RUFY3: variants seen among roughly 807,000 people sequenced by gnomAD.
RUFY3 encodes the protein RUN and FYVE domain containing 3.
In RUFY3, 34 loss-of-function variants were observed where a neutral mutation model predicts 84.0. That is an observed-to-expected ratio of 0.40 (90% confidence interval 0.31 to 0.54). The LOEUF (loss-of-function observed/expected upper bound fraction) is 0.54. Among genes scored for constraint, RUFY3 ranks in the 20% least tolerant of loss-of-function variants. RUFY3 has a pLI of 0.39. For synonymous variants in RUFY3, 242 were observed against 252.9 expected, an observed-to-expected ratio of 0.96 and a Z score of 0.41; for missense variants, 507 against 736.8, an observed-to-expected ratio of 0.69 and a Z score of 3.61.
chr4:70,806,552 G>A lies in RUFY3; in HGVS notation c.1756G>A (p.Ala586Thr), dbSNP rs1263014596. The change falls in exon 18 of 18, where the codon GCC (alanine) becomes ACC (threonine). Residue 586 changes from alanine (A) to threonine (T), a missense_variant. Physicochemically the swap from Ala to Thr is moderately conservative, Grantham distance 58. This residue lies in a region of RUFY3 where 334 missense variants were observed against 364.1 expected (regional missense o/e 0.92). Coordinates refer to ENST00000381006, the MANE Select transcript of RUFY3 (RefSeq NM_001037442.4). ...GAACTGCAGCGGAACCTTCTGTGAT[G>A]CCTGTTCAACAAATGAACTGCCTCT... ...CKNCSGTFCD[A>T]CSTNELPLPS... is the part of the protein sequence containing the mutation. 1 of 1,614,012 alleles carries A rather than the reference G, an allele frequency of 6.2e-7. No individual in the cohort carries two copies. Among genetic ancestry groups the A allele is most frequent in the Non-Finnish European group, 8.5e-7 (1 of 1,180,020 alleles).
chr4:70,747,615 A>G (rs1722437617), intron 1 of RUFY3, among the ~76,000 whole-genome samples: 1 of 152,194 alleles, frequency 6.6e-6, no homozygotes, highest in South Asian at 2.1e-4. Context: ...TTCTCTTTAA[A>G]ACATCTCCTT....
intron 1 of RUFY3, among the ~76,000 whole-genome samples, chr4:70,744,290 C>T (rs890317728): frequency 1.3e-5 from 2 of 151,882 alleles, no homozygotes; most frequent in Admixed American, 1.3e-4. Flanking sequence ...CCTCGAACTC[C>T]CAGGCTCCTT....
intron 1 of RUFY3, among the ~76,000 whole-genome samples, chr4:70,755,305 A>G (rs1441307358): frequency 6.6e-6 from 1 of 152,230 alleles, no homozygotes; most frequent in African/African-American, 2.4e-5. Flanking sequence ...AAGAATAACT[A>G]TGATTGTGCT....
chr4:70,790,010 T>G (rs1012498471), intron 12 of RUFY3: 2 of 458,026 alleles, frequency 4.4e-6, no homozygotes, highest in Non-Finnish European at 5.8e-6. Context: ...GAGAGATAGG[T>G]GTCCTCCAAG....
chr4:70,803,091 G>A, intron 16 of RUFY3, 108 bp downstream of exon 16: 1 of 755,776 alleles, frequency 1.3e-6, no homozygotes, highest in Non-Finnish European at 2.2e-6. Context: ...TGAATACAGT[G>A]TGCCATCCTT....
At chr4:70,786,352 A>G (rs1186047277) in intron 10 of RUFY3, among the ~76,000 whole-genome samples, 1 of 152,010 alleles carries the variant, frequency 6.6e-6, no homozygotes, top group Non-Finnish European at 1.5e-5. Context: ...TAGAGTTAAC[A>G]ATAATACACA....
At chr4:70,709,572 C>G (rs1740732840) in intron 1 of RUFY3, among the ~76,000 whole-genome samples, 2 of 152,138 alleles carry the variant, frequency 1.3e-5, no homozygotes, top group Admixed American at 1.3e-4. Flanking sequence ...GCCAGTTTCT[C>G]AGCAACTACA....
At chr4:70,725,474 G>C (rs1718081589) in intron 1 of RUFY3, among the ~76,000 whole-genome samples, 1 of 152,092 alleles carries the variant, frequency 6.6e-6, no homozygotes, top group African/African-American at 2.4e-5. Flanking sequence ...GGGATTACAG[G>C]CATGCGCCAC....
intron 4 of RUFY3, among the ~76,000 whole-genome samples, chr4:70,765,297 C>T (rs1236350937): frequency 1.3e-5 from 2 of 151,164 alleles, no homozygotes; most frequent in Non-Finnish European, 2.9e-5. Context: ...TTATTTTATC[C>T]GTCTTTATTA....
intron 12 of RUFY3, chr4:70,791,266 C>T (rs1285037361): frequency 6.2e-7 from 1 of 1,613,394 alleles, no homozygotes; most frequent in Non-Finnish European, 8.5e-7. Flanking sequence ...TTAAATAGTG[C>T]AGCAAATAAA....
intron 10 of RUFY3, among the ~76,000 whole-genome samples, chr4:70,787,214 A>ATATATATAT (rs757534627): frequency 2.8e-4 from 37 of 131,696 alleles, no homozygotes; most frequent in East Asian, 1.4e-3. Flanking sequence ...ATATATATAT[A>ATATATATAT]AAAACAAATT....
rs115884321 is a variant in RUFY3, at chr4:70,713,167, G to A, written c.358+7873G>A. On this transcript the variant is annotated intron_variant, in intron 1 of 11. Transcript: ENST00000417478. ...GTCTCCTGAGTAGCAGGGACTATGG[G>A]CATGCACCACCACACCCACCTAATT... is the stretch of plus-strand genomic sequence containing the variant. Among the ~76,000 whole-genome samples the A allele has an allele frequency of 6.1e-3, 929 of 152,260 alleles. 9 individuals carry two copies. The highest frequency in any genetic ancestry group is 0.021 in the African/African-American group (883 of 41,552).
chr4:70,762,411 A>AT lies in RUFY3; in HGVS notation c.179-100dup, dbSNP rs1033994555. 1.2e-4 allele frequency: 122 copies of AT among 979,766 alleles called. 1 individual carries two copies. Among genetic ancestry groups the AT allele is most frequent in the Non-Finnish European group, 1.5e-4 (103 of 671,614 alleles). The allele number at this position is 979,766 out of a possible 1,614,324, so 60.7% of individuals were successfully genotyped here. A position where few individuals can be genotyped will look rare whatever the true frequency, so the allele number is the denominator to read the frequency against. On this transcript the variant is annotated intron_variant, in intron 1 of 17. Transcript: ENST00000381006. ...GAGGATATTCTTAAAGGAAACTGGC[A>AT]TTTTTTTTCACAGTGAGTACATGGT...
chr4:70,728,932 A>G (rs1264808029), intron 1 of RUFY3, among the ~76,000 whole-genome samples: 2 of 151,794 alleles, frequency 1.3e-5, no homozygotes, highest in Non-Finnish European at 2.9e-5. Context: ...TTCTAAGTAG[A>G]ATTTTGACAC....
At chr4:70,705,208 C>T (rs1306528099) in exon 1 of RUFY3, 2 of 1,460,798 alleles carry the variant, frequency 1.4e-6, no homozygotes, top group Non-Finnish European at 9.0e-7. Context: ...TCCTGGAGGA[C>T]CCCGCCGTCC....
chr4:70,745,214 G>T (rs1250409491), intron 1 of RUFY3, among the ~76,000 whole-genome samples: 1 of 152,160 alleles, frequency 6.6e-6, no homozygotes, highest in East Asian at 1.9e-4. Context: ...AAAGTGCTGG[G>T]ATTACAAGTG....
intron 5 of RUFY3, among the ~76,000 whole-genome samples, chr4:70,769,447 A>T (rs1726574272): frequency 1.3e-5 from 2 of 152,210 alleles, no homozygotes; most frequent in African/African-American, 4.8e-5. Context: ...CTTTATTGCT[A>T]AAAAAATGCT....
intron 1 of RUFY3, among the ~76,000 whole-genome samples, chr4:70,712,111 T>G (rs1225909581): frequency 1.3e-5 from 2 of 152,224 alleles, no homozygotes; most frequent in African/African-American, 2.4e-5. Flanking sequence ...ATCTTAGTTT[T>G]ATTCTGGACA....
intron 17 of RUFY3, 96 bp downstream of exon 17, chr4:70,804,512 T>G (rs1732623580): frequency 1.0e-6 from 1 of 1,002,560 alleles, no homozygotes; most frequent in Non-Finnish European, 1.6e-6. Context: ...CCGCATAGAG[T>G]GCAGAGTGCA....
Sources: gnomAD v4.1 joint callset for allele counts (sites outside exome capture counted in the v4.1 genomes callset) on GRCh38, gnomAD v4.1.1 for gene constraint, gnomAD v4.1.1 regional missense constraint, MANE v1.5 for transcripts, NCBI Gene and HGNC (gene_info 2026-07-23, HGNC 2026-07-21) for gene names.